Variants in PTPRD observed in about 807,000 individuals in gnomAD.
PTPRD encodes the protein receptor-type tyrosine-protein phosphatase delta.
A neutral mutation model predicts 214.5 loss-of-function variants in PTPRD; 34 were observed. The observed-to-expected ratio is 0.16, with a 90% confidence interval of 0.12 to 0.21. The LOEUF (loss-of-function observed/expected upper bound fraction) is 0.21, where lower values mean the gene tolerates loss of function less well. Among genes scored for constraint, PTPRD ranks in the 10% least tolerant of loss-of-function variants. The pLI is 1.00. For missense variants in PTPRD, 2,545 were observed against 2,398.7 expected (o/e 1.06, Z -1.27); for synonymous variants, 1,128 against 845.7 (o/e 1.33, Z -5.79).
Position 8,929,899 on chromosome 9 carries a change from G to A in PTPRD, c.-104+88798C>T, listed in dbSNP as rs62529108. The stretch of plus-strand genomic sequence containing the variant: ...TGTATATATGTGTGTGTATATATAT[G>A]TGTATATATATGTGTGTGTATATAT... On this transcript the variant is annotated intron_variant, in intron 11 of 45. Coordinates refer to ENST00000381196, the MANE Select transcript of PTPRD (RefSeq NM_002839.4). Among the ~76,000 whole-genome samples the A allele has an allele frequency of 5.8e-4, 45 of 77,970 alleles. 1 individual carries two copies. Among genetic ancestry groups the A allele is most frequent in the Non-Finnish European group, 1.0e-3 (37 of 36,088 alleles). The allele number at this position is 77,970 out of a possible 152,430, so 51.2% of individuals were successfully genotyped here. A position where few individuals can be genotyped will look rare whatever the true frequency, so the allele number is the denominator to read the frequency against.
chr9:9,994,871 T>C (rs904385608), intron 4 of PTPRD, among the ~76,000 whole-genome samples: 3 of 152,102 alleles, frequency 2.0e-5, no homozygotes, highest in Non-Finnish European at 2.9e-5. Flanking sequence ...AGTCTCCAAA[T>C]AGCATATTAT....
At chr9:10,096,833 G>T (rs1433199563) in intron 3 of PTPRD, among the ~76,000 whole-genome samples, 1 of 151,968 alleles carries the variant, frequency 6.6e-6, no homozygotes, top group Non-Finnish European at 1.5e-5. Flanking sequence ...GTCCTGAATG[G>T]TAATGCCTAG....
At chr9:10,525,626 T>C (rs1282580325) in intron 2 of PTPRD, among the ~76,000 whole-genome samples, 3 of 151,960 alleles carry the variant, frequency 2.0e-5, no homozygotes, top group South Asian at 2.1e-4. Context: ...CATTTAGAAA[T>C]CATAAAATTA....
At chr9:8,734,967 T>C (rs1238324801) in intron 11 of PTPRD, among the ~76,000 whole-genome samples, 1 of 152,084 alleles carries the variant, frequency 6.6e-6, no homozygotes, top group Admixed American at 6.5e-5. Context: ...GAAAGGAACT[T>C]TGGAAAACCT....
chr9:9,338,576 C>T (rs2045518986), intron 9 of PTPRD, among the ~76,000 whole-genome samples: 1 of 151,986 alleles, frequency 6.6e-6, no homozygotes. Flanking sequence ...CCTAAAAATT[C>T]CCAGCTAAAC....
chr9:8,413,440 G>T (rs1051380296), intron 35 of PTPRD, among the ~76,000 whole-genome samples: 3 of 152,106 alleles, frequency 2.0e-5, no homozygotes, highest in African/African-American at 7.2e-5. Flanking sequence ...CCCAGTCTTT[G>T]TCGGAACTCA....
chr9:9,526,939 A>T (rs998823247), intron 8 of PTPRD, among the ~76,000 whole-genome samples: 1 of 152,152 alleles, frequency 6.6e-6, no homozygotes. Flanking sequence ...TGTCAATAAA[A>T]GTTGGAGTCA....
intron 9 of PTPRD, among the ~76,000 whole-genome samples, chr9:9,213,344 T>G (rs1593700719): frequency 2.6e-5 from 4 of 152,294 alleles, no homozygotes; most frequent in South Asian, 4.1e-4. Flanking sequence ...GTTTTTCCAT[T>G]TGATGCATAG....
At chr9:9,454,978 G>C (rs901057285) in intron 8 of PTPRD, among the ~76,000 whole-genome samples, 1 of 151,510 alleles carries the variant, frequency 6.6e-6, no homozygotes, top group African/African-American at 2.4e-5. Flanking sequence ...GAGTGCCTAA[G>C]GGCACAGATT....
intron 8 of PTPRD, among the ~76,000 whole-genome samples, chr9:9,514,280 G>A (rs2096781236): frequency 6.6e-6 from 1 of 152,002 alleles, no homozygotes; most frequent in South Asian, 2.1e-4. Flanking sequence ...GATCTATCAG[G>A]TTGAAGAATA....
At chr9:9,344,492 A>G (rs928086887) in intron 9 of PTPRD, among the ~76,000 whole-genome samples, 8 of 152,032 alleles carry the variant, frequency 5.3e-5, no homozygotes, top group Admixed American at 5.2e-4. Context: ...CTTAAAGTAA[A>G]ATAAAAGTAA....
At chr9:10,460,369 G>GA (rs779203748) in intron 2 of PTPRD, among the ~76,000 whole-genome samples, 2 of 147,366 alleles carry the variant, frequency 1.4e-5, no homozygotes, top group African/African-American at 5.2e-5. Context: ...CACAAAAATA[G>GA]ATAAAAAAAC....
chr9:10,537,849 A>G (rs1169626837), intron 2 of PTPRD, among the ~76,000 whole-genome samples: 1 of 152,168 alleles, frequency 6.6e-6, no homozygotes, highest in Non-Finnish European at 1.5e-5. Flanking sequence ...TATCCTAAAG[A>G]TGGTTGCCAG....
intron 5 of PTPRD, among the ~76,000 whole-genome samples, chr9:9,890,557 T>C (rs764946915): frequency 6.6e-6 from 1 of 152,056 alleles, no homozygotes; most frequent in Non-Finnish European, 1.5e-5. Context: ...TGCCTTTTGA[T>C]TGGCTCCTCA....
At chr9:10,341,653 G>A (rs1188224459) in intron 2 of PTPRD, among the ~76,000 whole-genome samples, 1 of 151,906 alleles carries the variant, frequency 6.6e-6, no homozygotes, top group Non-Finnish European at 1.5e-5. Context: ...CTTTAGAGTT[G>A]ATAGATGGTT....
At chr9:9,028,764 G>A (rs1190682499) in intron 10 of PTPRD, among the ~76,000 whole-genome samples, 2 of 151,900 alleles carry the variant, frequency 1.3e-5, no homozygotes, top group African/African-American at 4.8e-5. Context: ...CCAGCTGAGT[G>A]GTACAGCTAA....
chr9:9,874,983 T>C (rs767932617), intron 5 of PTPRD, among the ~76,000 whole-genome samples: 3 of 152,174 alleles, frequency 2.0e-5, no homozygotes, highest in Non-Finnish European at 4.4e-5. Flanking sequence ...ATCATTTGAA[T>C]AAAGAGCACA....
intron 9 of PTPRD, among the ~76,000 whole-genome samples, chr9:9,355,653 G>A (rs2053479483): frequency 6.6e-6 from 1 of 151,418 alleles, no homozygotes; most frequent in Non-Finnish European, 1.5e-5. Flanking sequence ...ATGTAAGTCT[G>A]GATTTCATGA....
At chr9:9,133,754 T>C (rs2099846415) in intron 10 of PTPRD, among the ~76,000 whole-genome samples, 1 of 152,112 alleles carries the variant, frequency 6.6e-6, no homozygotes, top group Non-Finnish European at 1.5e-5. Context: ...TCAATTGTTT[T>C]TTATCAGGAG....
Sources: allele counts gnomAD v4.1 joint callset (sites outside exome capture counted in the v4.1 genomes callset), GRCh38; gene constraint gnomAD v4.1.1; transcripts MANE v1.5; gene names NCBI Gene and HGNC (gene_info 2026-07-23, HGNC 2026-07-21).